CACNB4: variants seen among roughly 807,000 people sequenced by gnomAD.
The protein encoded by CACNB4 is voltage-dependent L-type calcium channel subunit beta-4.
Under a neutral mutation model 71.2 loss-of-function variants are expected in CACNB4, and 32 were observed. The ratio of observed to expected loss-of-function variants is 0.45; its 90% CI spans 0.34 to 0.60. The LOEUF (loss-of-function observed/expected upper bound fraction) is 0.60, where lower values mean the gene tolerates loss of function less well. Among genes scored for constraint, CACNB4 ranks in the 20% least tolerant of loss-of-function variants. CACNB4 has a pLI of 0.01. For synonymous variants in CACNB4, 231 were observed against 236.9 expected (o/e 0.97, Z 0.23); for missense variants, 464 against 647.9 (o/e 0.72, Z 3.08).
At chr2:151,994,396 G>A (rs1015717550) in intron 2 of CACNB4, among the ~76,000 whole-genome samples, 3 of 151,834 alleles carry the variant, frequency 2.0e-5, no homozygotes, top group East Asian at 1.9e-4. Flanking sequence ...TAGTAGAGAC[G>A]GGGTTTCAGC....
At chr2:152,031,023 A>T (rs112800372) in intron 2 of CACNB4, among the ~76,000 whole-genome samples, 281 of 152,304 alleles carry the variant, frequency 1.8e-3, no homozygotes, top group African/African-American at 6.4e-3. Context: ...GTCCAGGAGA[A>T]AGGGTACTTG....
At chr2:151,964,728 G>A (rs1252552433) in intron 2 of CACNB4, among the ~76,000 whole-genome samples, 1 of 152,218 alleles carries the variant, frequency 6.6e-6, no homozygotes, top group Non-Finnish European at 1.5e-5. Flanking sequence ...GAAAAATACC[G>A]CCATTGGCAC....
At chr2:152,069,000 A>G (rs1055872136) in intron 2 of CACNB4, among the ~76,000 whole-genome samples, 1 of 152,204 alleles carries the variant, frequency 6.6e-6, no homozygotes, top group Non-Finnish European at 1.5e-5. Flanking sequence ...TCTGGCCACA[A>G]AGAGGTGCCG....
chr2:152,057,635 T>C (rs1685791770), intron 2 of CACNB4, among the ~76,000 whole-genome samples: 1 of 152,128 alleles, frequency 6.6e-6, no homozygotes, highest in Non-Finnish European at 1.5e-5. Context: ...TCCCCTTCTA[T>C]TCCATGACAC....
chr2:152,098,564 G>GCCCCCCCCC lies in CACNB4; in HGVS notation c.64-152_64-151insGGGGGGGGG. On this transcript the variant is annotated intron_variant, in intron 1 of 13. Transcript: ENST00000539935. The surrounding 1 kb of genome is among the most constrained non-coding windows in gnomAD (Gnocchi z 5.3). ...GTCTCCTCCGCGACTCCCAAATACAGCCCCCACCCCCACCCACCCACTGCA... is the reference window on the plus strand; with the variant it reads ...GTCTCCTCCGCGACTCCCAAATACAGCCCCCCCCCCCCCCACCCCCACCCACCCACTGCA... 6 of 931,234 alleles carry GCCCCCCCCC rather than the reference G, an allele frequency of 6.4e-6. No individual in the cohort carries two copies. Among genetic ancestry groups the GCCCCCCCCC allele is most frequent in the East Asian group, 2.6e-5 (1 of 37,914 alleles). 57.7% of individuals were successfully genotyped at this position (931,234 alleles called of 1,614,324 possible).
In CACNB4 at chr2:151,973,596, C is replaced by CGGG. The variant is rs368255915; in HGVS notation, c.148-90229_148-90227dup. 1.1e-5 allele frequency: 15 copies of CGGG among 1,356,168 alleles called. No individual in the cohort carries two copies. In the African/African-American group the frequency reaches 2.0e-4, roughly 18 times the overall value. The allele number at this position is 1,356,168 out of a possible 1,614,324, so 84.0% of individuals were successfully genotyped here. ...CCTGCGTTGCCTAAGAAATAAGAAG[C>CGGG]GGGGGGGTGGAGGGGATAGTGGGAG... On this transcript the variant is annotated intron_variant, in intron 2 of 13. Transcript: ENST00000539935.
At chr2:152,035,574 TCTCTCTCTCTCTCC>T (rs1371126136) in intron 2 of CACNB4, among the ~76,000 whole-genome samples, 10 of 150,580 alleles carry the variant, frequency 6.6e-5, no homozygotes, top group African/African-American at 2.2e-4. Context: ...TCTCTTTCTC[TCTCTCTCTCTCTCC>T]CTCTCTCTCT....
chr2:152,018,930 C>T (rs1200402320), intron 2 of CACNB4, among the ~76,000 whole-genome samples: 2 of 151,884 alleles, frequency 1.3e-5, no homozygotes, highest in African/African-American at 4.8e-5. Flanking sequence ...TGAGGTCATT[C>T]TCTCTTAGGC....
chr2:151,993,903 G>A (rs527687237), intron 2 of CACNB4, among the ~76,000 whole-genome samples: 4 of 150,638 alleles, frequency 2.7e-5, no homozygotes, highest in Non-Finnish European at 5.9e-5. Flanking sequence ...CAGGCACAGT[G>A]GCTCATGCCT....
intron 2 of CACNB4, among the ~76,000 whole-genome samples, chr2:152,091,145 A>G (rs1164454406): frequency 6.6e-6 from 1 of 152,218 alleles, no homozygotes; most frequent in Non-Finnish European, 1.5e-5. Context: ...CCCAGTAATT[A>G]GATTTCTTTC....
intron 10 of CACNB4, chr2:151,858,691 T>C (rs1016041296): frequency 6.6e-6 from 1 of 152,242 alleles, no homozygotes; most frequent in Non-Finnish European, 1.5e-5. Context: ...TTGGCCTCAA[T>C]CTTTTTCAAT....
intron 2 of CACNB4, among the ~76,000 whole-genome samples, chr2:152,089,773 A>G (rs1226229090): frequency 6.6e-6 from 1 of 150,988 alleles, no homozygotes; most frequent in African/African-American, 2.5e-5. Context: ...TTCTACTAAA[A>G]GTAAAAAAAA....
At chr2:152,048,191 T>C (rs376509482) in intron 2 of CACNB4, among the ~76,000 whole-genome samples, 2 of 152,076 alleles carry the variant, frequency 1.3e-5, no homozygotes, top group African/African-American at 4.8e-5. Flanking sequence ...TCACTAGATG[T>C]ACTACTCACT....
At position 151,842,070 on chromosome 2, in the gene CACNB4, A is replaced by G. The variant is rs775663929; in HGVS notation, c.1135T>C (p.Leu379=). The change falls in exon 13 of 14, where the codon TTG becomes CTG. Residue 379 remains leucine, a synonymous_variant. Coordinates refer to ENST00000539935, the MANE Select transcript of CACNB4 (RefSeq NM_000726.5). The part of the protein sequence containing the change: ...QCPPEMFDVI[L]DENQLEDACE... ...GCATCCTCAAGCTGATTTTCATCCA[A>G]TATAACATCAAACATTTCCTGTAGA... is the stretch of plus-strand genomic sequence containing the variant. The G allele has an allele frequency of 1.2e-6, 2 of 1,613,812 alleles. No homozygotes were observed. The highest frequency in any genetic ancestry group is 1.7e-5 in the Admixed American group (1 of 60,014).
At chr2:151,862,776 C>T (rs1026755896) in intron 9 of CACNB4, among the ~76,000 whole-genome samples, 92 of 152,190 alleles carry the variant, frequency 6.0e-4, no homozygotes, top group South Asian at 2.1e-4. Flanking sequence ...CAGCTCAGGT[C>T]TAAACTAGCC....
intron 10 of CACNB4, chr2:151,857,680 T>G (rs2099840643): frequency 6.6e-6 from 1 of 152,230 alleles, no homozygotes; most frequent in Non-Finnish European, 1.5e-5. Flanking sequence ...TTTCTTAAGC[T>G]TCAAATATGA....
intron 2 of CACNB4, among the ~76,000 whole-genome samples, chr2:152,057,389 G>T (rs577765576): frequency 7.9e-5 from 12 of 152,266 alleles, no homozygotes; most frequent in African/African-American, 2.6e-4. Flanking sequence ...AAAATTAGGA[G>T]AAAACAAATG....
At chr2:152,044,037 C>T (rs879866052) in intron 2 of CACNB4, among the ~76,000 whole-genome samples, 4 of 151,984 alleles carry the variant, frequency 2.6e-5, no homozygotes, top group African/African-American at 9.7e-5. Flanking sequence ...AAGACCCTGT[C>T]TCTTAAAAAT....
rs145865272 is a variant in CACNB4, at chr2:151,910,212, A to G, written c.148-26842T>C. On this transcript the variant is annotated intron_variant, in intron 2 of 13. Transcript: ENST00000539935. ...AAGTGTCTGTTCCTATCCTTTGCCC[A>G]CTTTTTCGTGGGGTTTTTCTTGTAA... Among the ~76,000 whole-genome samples, 28 of 151,956 alleles carry G rather than the reference A, an allele frequency of 1.8e-4. No homozygotes were observed. In the East Asian group the frequency reaches 5.2e-3, roughly 28 times the overall value.
Sources: allele counts gnomAD v4.1 joint callset (sites outside exome capture counted in the v4.1 genomes callset), GRCh38; gene constraint gnomAD v4.1.1; non-coding constraint Gnocchi (gnomAD v3.1); transcripts MANE v1.5; gene names NCBI Gene and HGNC (gene_info 2026-07-23, HGNC 2026-07-21).